OR51B5: variants seen among roughly 807,000 people sequenced by gnomAD.
OR51B5 encodes the protein olfactory receptor family 51 subfamily B member 5.
For synonymous variants in OR51B5, 186 were observed against 144.8 expected (o/e 1.28, Z -2.04); for missense variants, 456 against 374.6 (o/e 1.22, Z -1.79).
chr11:5,498,281 T>C (rs1851679073), intron 1 of OR51B5, among the ~76,000 whole-genome samples: 1 of 152,332 alleles, frequency 6.6e-6, no homozygotes, highest in African/African-American at 2.4e-5. Flanking sequence ...TGGTAGTTCC[T>C]GGACTATGCC....
At chr11:5,347,068 A>C (rs1166104893), upstream of OR51B5, among the ~76,000 whole-genome samples, 1 of 152,162 alleles carries the variant, frequency 6.6e-6, no homozygotes, top group Non-Finnish European at 1.5e-5. Context: ...AAGCTTTTAA[A>C]TAATCTTTCT....
chr11:5,417,581 G>GAA (rs36189500), intron 1 of OR51B5, among the ~76,000 whole-genome samples: 1 of 142,686 alleles, frequency 7.0e-6, no homozygotes, highest in African/African-American at 2.6e-5. Flanking sequence ...AAATTTACAA[G>GAA]AAAAAAAAAA....
At chr11:5,421,371 CCT>C (rs1218914589) in intron 1 of OR51B5, among the ~76,000 whole-genome samples, 1 of 152,232 alleles carries the variant, frequency 6.6e-6, no homozygotes, top group Non-Finnish European at 1.5e-5. Context: ...AGGTAAGACT[CCT>C]CTGTGAATCA....
intron 1 of OR51B5, among the ~76,000 whole-genome samples, chr11:5,371,995 T>G (rs141441584): frequency 1.3e-5 from 2 of 152,268 alleles, no homozygotes; most frequent in African/African-American, 4.8e-5. Flanking sequence ...ATATCATGCC[T>G]TTATTTGTTT....
intron 1 of OR51B5, chr11:5,489,701 G>A (rs1851554654): frequency 7.5e-7 from 1 of 1,337,828 alleles, no homozygotes; most frequent in Admixed American, 1.8e-5. Flanking sequence ...AAAAAGTGTA[G>A]GATGGCTGTC....
chr11:5,352,525 A>T, intron 1 of OR51B5: 2 of 867,296 alleles, frequency 2.3e-6, no homozygotes, highest in Non-Finnish European at 3.6e-6. Context: ...GTAACTAGGG[A>T]AAGTCATTTC....
chr11:5,505,497 G>A (rs781250515), intron 1 of OR51B5: 4 of 1,278,684 alleles, frequency 3.1e-6, no homozygotes, highest in Non-Finnish European at 4.1e-6. Flanking sequence ...GTATTTGTCC[G>A]TTTTCACGCT....
At chr11:5,402,302 A>C (rs1849983196) in intron 1 of OR51B5, among the ~76,000 whole-genome samples, 1 of 152,208 alleles carries the variant, frequency 6.6e-6, no homozygotes, top group African/African-American at 2.4e-5. Flanking sequence ...GGCATGAGCC[A>C]CTGCACCTGA....
At chr11:5,464,379 C>A (rs934023098) in intron 1 of OR51B5, among the ~76,000 whole-genome samples, 3 of 151,912 alleles carry the variant, frequency 2.0e-5, no homozygotes, top group Non-Finnish European at 4.4e-5. Flanking sequence ...TGCTGGTGCG[C>A]TGCACCCACT....
intron 1 of OR51B5, among the ~76,000 whole-genome samples, chr11:5,404,153 G>GGGGGAGGGGAT (rs1466594855): frequency 7.2e-6 from 1 of 138,948 alleles, no homozygotes; most frequent in African/African-American, 2.6e-5. Flanking sequence ...GTCGGGGGCG[G>GGGGGAGGGGAT]GGGGAGGGGA....
intron 1 of OR51B5, chr11:5,390,700 C>T (rs1471367467): frequency 1.2e-5 from 3 of 244,364 alleles, no homozygotes; most frequent in East Asian, 1.7e-4. Flanking sequence ...CAATAAATAC[C>T]AGAGCACCCA....
chr11:5,359,815 A>G (rs913865468), intron 1 of OR51B5, among the ~76,000 whole-genome samples: 4 of 152,070 alleles, frequency 2.6e-5, no homozygotes, highest in African/African-American at 9.7e-5. Flanking sequence ...AATGGAACAG[A>G]ACAGAGGCCT....
At chr11:5,374,109 G>T (rs553130903) in intron 1 of OR51B5, among the ~76,000 whole-genome samples, 62 of 152,184 alleles carry the variant, frequency 4.1e-4, no homozygotes, top group Admixed American at 9.8e-4. Flanking sequence ...CACCTCACAC[G>T]GCCAGGTACT....
chr11:5,373,759 T>C (rs6578615), intron 1 of OR51B5, among the ~76,000 whole-genome samples: 145,643 of 152,140 alleles, frequency 0.96, 70,120 homozygotes, highest in Non-Finnish European at 0.98. Context: ...AACTGCAAGG[T>C]GGCAGCGAGG....
chr11:5,442,600 G>C (rs1850707120), intron 1 of OR51B5, among the ~76,000 whole-genome samples: 1 of 152,012 alleles, frequency 6.6e-6, no homozygotes, highest in Admixed American at 6.6e-5. Context: ...CAAATTTCTT[G>C]AAAAATTGTC....
At chr11:5,446,008 A>G (rs1480492876) in intron 1 of OR51B5, among the ~76,000 whole-genome samples, 2 of 152,050 alleles carry the variant, frequency 1.3e-5, no homozygotes, top group African/African-American at 4.8e-5. Flanking sequence ...CCCAAGGACA[A>G]AAAACCAAAC....
At chr11:5,363,331 A>C (rs2647605) in intron 1 of OR51B5, among the ~76,000 whole-genome samples, 52,534 of 138,640 alleles carry the variant, frequency 0.38, 10,731 homozygotes, top group Non-Finnish European at 0.41. Context: ...ATGCAGCAGT[A>C]TTGGAATTAC....
chr11:5,494,928 A>T (rs1413072571), intron 1 of OR51B5, among the ~76,000 whole-genome samples: 1 of 152,218 alleles, frequency 6.6e-6, no homozygotes, highest in African/African-American at 2.4e-5. Flanking sequence ...GACATTTTTA[A>T]CAGCAGGTGA....
intron 1 of OR51B5, among the ~76,000 whole-genome samples, chr11:5,371,751 G>C (rs1849451690): frequency 6.6e-6 from 1 of 151,906 alleles, no homozygotes; most frequent in Non-Finnish European, 1.5e-5. Flanking sequence ...GATACCTTTT[G>C]CTTTTTCTTT....
Sources: gnomAD v4.1 joint callset for allele counts (sites outside exome capture counted in the v4.1 genomes callset) on GRCh38, gnomAD v4.1.1 for gene constraint, MANE v1.5 for transcripts, NCBI Gene and HGNC (gene_info 2026-07-23, HGNC 2026-07-21) for gene names.